Variants in CEPT1 observed in about 807,000 individuals in gnomAD.
CEPT1 encodes choline/ethanolaminephosphotransferase 1.
Under a neutral mutation model 42.6 loss-of-function variants are expected in CEPT1, and 7 were observed. That is an observed-to-expected ratio of 0.16 (90% confidence interval 0.09 to 0.31). The LOEUF (loss-of-function observed/expected upper bound fraction) is 0.31, where lower values mean the gene tolerates loss of function less well. Among genes scored for constraint, CEPT1 ranks in the 10% least tolerant of loss-of-function variants. The pLI is 1.00. For synonymous variants in CEPT1, 171 were observed against 171.9 expected (o/e 0.99, Z 0.04); for missense variants, 306 against 502.1 (o/e 0.61, Z 3.73).
rs565586463 is a variant in CEPT1 at position 111,156,115 on chromosome 1, T to C, written c.340-3265T>C. 2.6e-5 allele frequency among the ~76,000 whole-genome samples: 4 copies of C among 152,302 alleles called. No individual in the cohort carries two copies. The South Asian group carries it at 8.3e-4, about 32-fold the overall frequency. ...GGTATTTTGTGCTTCTGTTTTTATA[T>C]TTTTCAAAAAATGATTTACTTCTTA... On this transcript the variant is annotated intron_variant, in intron 2 of 8. Transcript: ENST00000357172.
At chr1:111,160,519 A>C (rs962156966) in intron 3 of CEPT1, 1 of 152,714 alleles carries the variant, frequency 6.5e-6, no homozygotes. Context: ...GAAGCAACTA[A>C]GGTCATATAA....
chr1:111,161,889 A>G (rs1165717959), intron 4 of CEPT1, among the ~76,000 whole-genome samples: 1 of 152,234 alleles, frequency 6.6e-6, no homozygotes, highest in Non-Finnish European at 1.5e-5. Flanking sequence ...GAAGGAAGGA[A>G]AGAAAATTAA....
chr1:111,166,164 T>C (rs1048929969), intron 4 of CEPT1, among the ~76,000 whole-genome samples: 4 of 152,236 alleles, frequency 2.6e-5, no homozygotes, highest in Non-Finnish European at 5.9e-5. Flanking sequence ...TCAGTTGCCA[T>C]AGATGATGTC....
chr1:111,171,577 T>C (rs1159675403), intron 4 of CEPT1, among the ~76,000 whole-genome samples: 2 of 152,174 alleles, frequency 1.3e-5, no homozygotes, highest in East Asian at 1.9e-4. Flanking sequence ...TTTTTATTTA[T>C]TTTTTGTGAC....
intron 3 of CEPT1, chr1:111,160,235 A>C (rs1161809969): frequency 6.6e-6 from 1 of 152,198 alleles, no homozygotes; most frequent in African/African-American, 2.4e-5. Flanking sequence ...ATAGTAGTTT[A>C]TTATGTTTTT....
Position 111,183,506 on chromosome 1 carries a change from A to G in CEPT1, c.1050A>G (p.Ala350=). 2 of 1,613,778 alleles carry G rather than the reference A, an allele frequency of 1.2e-6. No individual in the cohort carries two copies. Among genetic ancestry groups the G allele is most frequent in the Non-Finnish European group, 1.7e-6 (2 of 1,179,670 alleles). The change falls in exon 8 of 9, where the codon GCA becomes GCG. Residue 350 remains alanine, a synonymous_variant. Coordinates refer to ENST00000357172, the MANE Select transcript of CEPT1 (RefSeq NM_006090.5). ...GTGAAATGCATTTGCATGACACAGC[A>G]TTCATAGGTCCGGCACTTTTGTTTC... ...TKSEMHLHDT[A]FIGPALLFLD...
At chr1:111,176,371 A>G (rs1433927841) in intron 5 of CEPT1, among the ~76,000 whole-genome samples, 1 of 152,162 alleles carries the variant, frequency 6.6e-6, no homozygotes, top group Non-Finnish European at 1.5e-5. Flanking sequence ...AGCAGATCAT[A>G]AAGCCTAAAG....
chr1:111,178,510 A>G (rs1656808171), intron 5 of CEPT1: 1 of 151,274 alleles, frequency 6.6e-6, no homozygotes, highest in African/African-American at 2.4e-5. Flanking sequence ...CATAAAAGTC[A>G]GTGCTTGTTT....
intron 5 of CEPT1, chr1:111,181,150 C>G (rs1656959296): frequency 6.6e-6 from 1 of 151,496 alleles, no homozygotes; most frequent in African/African-American, 2.4e-5. Flanking sequence ...GGTGACAGAG[C>G]AAGACTCTGT....
chr1:111,139,890 G>A (rs189831450), upstream of CEPT1: 1 of 152,344 alleles, frequency 6.6e-6, no homozygotes, highest in East Asian at 1.9e-4. Flanking sequence ...AGGGCCAGCA[G>A]GAGTCTCGCG....
intron 1 of CEPT1, among the ~76,000 whole-genome samples, chr1:111,142,790 G>A (rs1022090459): frequency 3.3e-5 from 5 of 152,166 alleles, no homozygotes; most frequent in African/African-American, 1.2e-4. Context: ...CTGGGGGAAA[G>A]ACCAAAAAAA....
Position 111,182,225 on chromosome 1 carries a change from A to G in CEPT1, c.753A>G (p.Ala251=). Residue 251 remains alanine (A), a synonymous_variant, in exon 6 of 9, where the codon GCA becomes GCG. Transcript: ENST00000357172. The stretch of plus-strand genomic sequence containing the variant: ...ATATTCAAATGAAAATTTTTCCTGC[A>G]CTTTGTACTGTAGCAGGGACCATAT... ...VLNIQMKIFP[A]LCTVAGTIFS... 9 of 1,611,768 alleles carry G rather than the reference A, an allele frequency of 5.6e-6. No individual in the cohort carries two copies. Among genetic ancestry groups the G allele is most frequent in the African/African-American group, 1.3e-5 (1 of 74,940 alleles).
intron 5 of CEPT1, among the ~76,000 whole-genome samples, chr1:111,175,646 C>T (rs1367077805): frequency 1.3e-5 from 2 of 152,160 alleles, no homozygotes; most frequent in African/African-American, 4.8e-5. Context: ...AACATGAGGT[C>T]ATTAGTAGTA....
chr1:111,146,096 T>A (rs75038677), intron 1 of CEPT1, among the ~76,000 whole-genome samples: 7 of 150,462 alleles, frequency 4.7e-5, no homozygotes, highest in Admixed American at 2.0e-4. Flanking sequence ...TTTTTTTTTT[T>A]AAATGGTCTC....
intron 5 of CEPT1, 58 bp from the exon 6 acceptor site, chr1:111,182,129 T>A (rs1657023413): frequency 1.5e-6 from 2 of 1,358,524 alleles, no homozygotes; most frequent in Non-Finnish European, 2.0e-6. Context: ...AATATTAGAC[T>A]GTTTTCTTAT....
At chr1:111,173,284 C>T (rs1001717030) in intron 4 of CEPT1, 5 of 152,054 alleles carry the variant, frequency 3.3e-5, no homozygotes, top group African/African-American at 9.7e-5. Flanking sequence ...TCTTTTTAGC[C>T]TAATTCAGTC....
At chr1:111,176,473 AT>A (rs1656681990) in intron 5 of CEPT1, among the ~76,000 whole-genome samples, 1 of 152,252 alleles carries the variant, frequency 6.6e-6, no homozygotes, top group South Asian at 2.1e-4. Flanking sequence ...CCCCAAAATT[AT>A]TTGTAATATG....
intron 1 of CEPT1, among the ~76,000 whole-genome samples, chr1:111,146,476 A>G (rs913020690): frequency 6.6e-6 from 1 of 152,018 alleles, no homozygotes; most frequent in African/African-American, 2.4e-5. Flanking sequence ...CTCACCTCTC[A>G]TATCTAATTC....
At chr1:111,149,370 C>T (rs1655147105) in intron 2 of CEPT1, among the ~76,000 whole-genome samples, 1 of 150,484 alleles carries the variant, frequency 6.6e-6, no homozygotes, top group South Asian at 2.1e-4. Flanking sequence ...TTAAGCGATT[C>T]TCCTGCCTCA....
Sources: allele counts gnomAD v4.1 joint callset (sites outside exome capture counted in the v4.1 genomes callset), GRCh38; gene constraint gnomAD v4.1.1; transcripts MANE v1.5; gene names NCBI Gene and HGNC (gene_info 2026-07-23, HGNC 2026-07-21).